The following RBMS3 variants were observed in gnomAD, a reference collection of about 807,000 sequenced individuals.
RBMS3 encodes the protein RNA binding motif single stranded interacting protein 3, also known as RNA-binding motif, single-stranded-interacting protein 3.
Under a neutral mutation model 66.8 loss-of-function variants are expected in RBMS3, and 27 were observed. The observed-to-expected ratio is 0.40, with a 90% confidence interval of 0.30 to 0.56. RBMS3 has a LOEUF of 0.56. Among genes scored for constraint, RBMS3 ranks in the 20% least tolerant of loss-of-function variants. RBMS3 has a pLI of 0.40. For missense variants in RBMS3, 513 were observed against 549.5 expected, an observed-to-expected ratio of 0.93 and a Z score of 0.66; for synonymous variants, 188 against 183.0, an observed-to-expected ratio of 1.03 and a Z score of -0.22.
At chr3:29,653,606 G>A (rs2050217567) in intron 4 of RBMS3, among the ~76,000 whole-genome samples, 1 of 152,022 alleles carries the variant, frequency 6.6e-6, no homozygotes, top group Non-Finnish European at 1.5e-5. Flanking sequence ...CTGTTCTTGT[G>A]TCTAAACCTT....
At chr3:29,326,321 T>C (rs2035334682) in intron 1 of RBMS3, among the ~76,000 whole-genome samples, 1 of 152,182 alleles carries the variant, frequency 6.6e-6, no homozygotes, top group Non-Finnish European at 1.5e-5. Context: ...TTCCCCAAAT[T>C]ATGATCCCCA....
chr3:29,362,607 G>C (rs2037666630), intron 1 of RBMS3, among the ~76,000 whole-genome samples: 1 of 152,086 alleles, frequency 6.6e-6, no homozygotes, highest in Non-Finnish European at 1.5e-5. Context: ...CCCATCTTCT[G>C]CGTCACTCAC....
intron 10 of RBMS3, among the ~76,000 whole-genome samples, chr3:29,901,233 C>A (rs541502694): frequency 6.6e-6 from 1 of 151,868 alleles, no homozygotes; most frequent in Admixed American, 6.6e-5. Context: ...CAAAGCAATA[C>A]ATAGCATAGC....
chr3:29,557,324 CTGTG>C (rs1322811444), intron 3 of RBMS3, among the ~76,000 whole-genome samples: 4 of 152,218 alleles, frequency 2.6e-5, no homozygotes, highest in Middle Eastern at 3.4e-3. Flanking sequence ...ACCAGATTGC[CTGTG>C]TGTATGTTGT....
chr3:29,753,914 A>T (rs80349599), intron 5 of RBMS3, among the ~76,000 whole-genome samples: 2 of 151,746 alleles, frequency 1.3e-5, no homozygotes, highest in African/African-American at 4.8e-5. Flanking sequence ...GAGAGAAACT[A>T]TTTTTTCCCC....
At chr3:29,642,593 A>G (rs1373203753) in intron 4 of RBMS3, 1 of 152,096 alleles carries the variant, frequency 6.6e-6, no homozygotes, top group Non-Finnish European at 1.5e-5. Flanking sequence ...CACTGCAAAC[A>G]TTTAGTCACT....
At chr3:29,452,125 T>A (rs1158020920) in intron 2 of RBMS3, among the ~76,000 whole-genome samples, 1 of 152,100 alleles carries the variant, frequency 6.6e-6, no homozygotes, top group Non-Finnish European at 1.5e-5. Context: ...ATAACAGGGA[T>A]TTTCCTGTGT....
At chr3:29,462,947 G>C (rs1391048621) in intron 2 of RBMS3, among the ~76,000 whole-genome samples, 1 of 152,144 alleles carries the variant, frequency 6.6e-6, no homozygotes, top group Admixed American at 6.5e-5. Context: ...CTAGTGTTTT[G>C]TTAAGTGTTA....
Position 29,417,036 on chromosome 3 carries a change from C to A in RBMS3, c.76-17707C>A, listed in dbSNP as rs570104674. Among the ~76,000 whole-genome samples the A allele has an allele frequency of 7.2e-5, 11 of 152,054 alleles. 1 individual carries two copies. Among genetic ancestry groups the A allele is most frequent in the Admixed American group, 2.0e-4 (3 of 15,268 alleles). On this transcript the variant is annotated intron_variant, in intron 1 of 14. Coordinates refer to ENST00000383767, the MANE Select transcript of RBMS3 (RefSeq NM_001003793.3). Reference sequence around the variant, plus strand: ...CAGAATTATCTGTCTCTAGATAATTCTCCCTGGAGAAAATAGTATGAAATT... The same window carrying A: ...CAGAATTATCTGTCTCTAGATAATTATCCCTGGAGAAAATAGTATGAAATT...
At chr3:29,930,109 C>CTTTCTTTCTTTTTCTTTTTTT (rs71091082) in intron 10 of RBMS3, among the ~76,000 whole-genome samples, 1 of 43,556 alleles carries the variant, frequency 2.3e-5, no homozygotes, top group African/African-American at 6.3e-5. Context: ...TTCTTTCTTT[C>CTTTCTTTCTTTTTCTTTTTTT]TTTTTTTTTT....
At chr3:29,688,005 G>A (rs1468437015) in intron 4 of RBMS3, among the ~76,000 whole-genome samples, 1 of 152,168 alleles carries the variant, frequency 6.6e-6, no homozygotes, top group Admixed American at 6.5e-5. Context: ...ACTAGAGGAA[G>A]CTGCACGAAT....
At chr3:29,398,005 A>G (rs1231685591) in intron 1 of RBMS3, among the ~76,000 whole-genome samples, 2 of 152,180 alleles carry the variant, frequency 1.3e-5, no homozygotes, top group Non-Finnish European at 2.9e-5. Context: ...GATTACTTCT[A>G]AATCTCCTTA....
At chr3:29,730,801 A>G (rs2054098649) in intron 4 of RBMS3, 1 of 906,168 alleles carries the variant, frequency 1.1e-6, no homozygotes, top group Admixed American at 6.2e-5. Flanking sequence ...GTACAAAACA[A>G]TATATATTTG....
chr3:29,688,913 A>AT (rs1559571489), intron 4 of RBMS3, among the ~76,000 whole-genome samples: 1 of 151,844 alleles, frequency 6.6e-6, no homozygotes, highest in Admixed American at 6.6e-5. Context: ...TGATGGAGAG[A>AT]TTTTTTCTTA....
intron 6 of RBMS3, among the ~76,000 whole-genome samples, chr3:29,782,225 A>C (rs568347615): frequency 6.6e-6 from 1 of 152,144 alleles, no homozygotes; most frequent in Admixed American, 6.5e-5. Context: ...GCCAACCAAC[A>C]CAAAACCAGT....
chr3:29,828,788 G>C (rs73831071), intron 6 of RBMS3, among the ~76,000 whole-genome samples: 2,161 of 152,036 alleles, frequency 0.014, 48 homozygotes, highest in South Asian at 0.059. Flanking sequence ...TTTTTCCACT[G>C]TGTGTGTTTT....
intron 2 of RBMS3, among the ~76,000 whole-genome samples, chr3:29,453,247 G>A (rs560913642): frequency 4.6e-5 from 7 of 152,294 alleles, no homozygotes; most frequent in African/African-American, 1.7e-4. Context: ...TCTCTGGAAT[G>A]CTTTTACTCC....
chr3:29,680,487 A>G (rs1389225638), intron 4 of RBMS3, among the ~76,000 whole-genome samples: 1 of 152,218 alleles, frequency 6.6e-6, no homozygotes, highest in Non-Finnish European at 1.5e-5. Flanking sequence ...AAGTCATTCT[A>G]TCTAATTTCA....
intron 3 of RBMS3, chr3:29,526,305 G>A (rs1490869557): frequency 2.6e-5 from 4 of 152,060 alleles, no homozygotes; most frequent in Non-Finnish European, 5.9e-5. Flanking sequence ...TGGATCACGA[G>A]GTCAGGAGAT....
Sources: gnomAD v4.1 joint callset for allele counts (sites outside exome capture counted in the v4.1 genomes callset) on GRCh38, gnomAD v4.1.1 for gene constraint, MANE v1.5 for transcripts, NCBI Gene and HGNC (gene_info 2026-07-23, HGNC 2026-07-21) for gene names.